The following RSU1 variants were observed in gnomAD, a reference collection of about 807,000 sequenced individuals.
RSU1 encodes Ras suppressor protein 1.
A neutral mutation model predicts 31.1 loss-of-function variants in RSU1; 26 were observed. That is an observed-to-expected ratio of 0.84 (90% confidence interval 0.61 to 1.16). The LOEUF (loss-of-function observed/expected upper bound fraction) is 1.16, where lower values mean the gene tolerates loss of function less well. Ranked by LOEUF, RSU1 falls within the 50% of genes most tolerant of loss-of-function variation. The pLI, the probability that RSU1 is intolerant of heterozygous loss-of-function variation, is 0.00. For missense variants in RSU1, 320 were observed against 339.1 expected (o/e 0.94, Z 0.44); for synonymous variants, 164 against 136.3 (o/e 1.20, Z -1.41).
At chr10:16,624,519 C>T (rs1201442210) in intron 8 of RSU1, among the ~76,000 whole-genome samples, 1 of 152,068 alleles carries the variant, frequency 6.6e-6, no homozygotes, top group Non-Finnish European at 1.5e-5. Flanking sequence ...CACCCTTGTG[C>T]CCCAGACTCC....
At chr10:16,710,999 T>G (rs902213621) in intron 7 of RSU1, among the ~76,000 whole-genome samples, 8 of 152,238 alleles carry the variant, frequency 5.3e-5, no homozygotes, top group African/African-American at 1.9e-4. Flanking sequence ...CATAAAGTCT[T>G]TCTTTTTTAT....
intron 8 of RSU1, among the ~76,000 whole-genome samples, chr10:16,622,902 C>G (rs1367023968): frequency 6.6e-6 from 1 of 152,164 alleles, no homozygotes; most frequent in African/African-American, 2.4e-5. Flanking sequence ...TTTGCAGATA[C>G]AATTCAATGA....
intron 8 of RSU1, among the ~76,000 whole-genome samples, chr10:16,613,605 C>A (rs577669345): frequency 6.6e-6 from 1 of 152,174 alleles, no homozygotes; most frequent in Non-Finnish European, 1.5e-5. Context: ...TCTGGGCTTG[C>A]CACCTTGGTT....
chr10:16,667,184 C>A (rs370351034), intron 8 of RSU1, among the ~76,000 whole-genome samples: 2 of 152,180 alleles, frequency 1.3e-5, no homozygotes, highest in Non-Finnish European at 2.9e-5. Flanking sequence ...GTTAGTTAAT[C>A]TGAAATCATC....
At chr10:16,814,502 G>A (rs1009718720) in intron 2 of RSU1, among the ~76,000 whole-genome samples, 1 of 150,188 alleles carries the variant, frequency 6.7e-6, no homozygotes, top group African/African-American at 2.5e-5. Flanking sequence ...AATTAATGTA[G>A]CCATGTGAAG....
chr10:16,795,171 T>C (rs1022264759), intron 2 of RSU1, among the ~76,000 whole-genome samples: 4 of 151,832 alleles, frequency 2.6e-5, no homozygotes, highest in Admixed American at 6.6e-5. Flanking sequence ...CTGGCCAACA[T>C]GGTGAAGCCC....
chr10:16,667,246 T>A (rs1032333111), intron 8 of RSU1, among the ~76,000 whole-genome samples: 1 of 152,186 alleles, frequency 6.6e-6, no homozygotes, highest in Non-Finnish European at 1.5e-5. Flanking sequence ...ATGTTCATTA[T>A]AGGTACCCAA....
intron 7 of RSU1, among the ~76,000 whole-genome samples, chr10:16,696,209 A>G (rs1311602690): frequency 6.6e-6 from 1 of 152,158 alleles, no homozygotes; most frequent in African/African-American, 2.4e-5. Flanking sequence ...GAGACACAGC[A>G]AAGATTTTTG....
In RSU1 at chr10:16,736,649, A is replaced by C. The variant is rs1588503010; in HGVS notation, c.598+15890T>G. 2.6e-5 allele frequency among the ~76,000 whole-genome samples: 4 copies of C among 152,274 alleles called. No homozygotes were observed. In the South Asian group the frequency reaches 6.2e-4, roughly 24 times the overall value. ...AAACCAAAAACCAAAAAACAAAAAA[A>C]CCCACAGAAAACTAGACATTCAGAG... On this transcript the variant is annotated intron_variant, in intron 7 of 8. Coordinates refer to ENST00000345264, the MANE Select transcript of RSU1 (RefSeq NM_012425.4).
chr10:16,723,045 T>C (rs1362322623), intron 7 of RSU1: 4 of 148,106 alleles, frequency 2.7e-5, no homozygotes, highest in South Asian at 2.1e-4. Context: ...TATATAGACA[T>C]ACATACACAC....
At chr10:16,663,864 C>A (rs1029844870) in intron 8 of RSU1, among the ~76,000 whole-genome samples, 4 of 152,164 alleles carry the variant, frequency 2.6e-5, no homozygotes, top group Non-Finnish European at 5.9e-5. Context: ...TTTCAGACTG[C>A]CCTTTGGTGA....
At chr10:16,726,709 C>T (rs1836403960) in intron 7 of RSU1, among the ~76,000 whole-genome samples, 1 of 151,962 alleles carries the variant, frequency 6.6e-6, no homozygotes, top group Admixed American at 6.6e-5. Flanking sequence ...AGAGCAATAC[C>T]ATCTTTTTTC....
At chr10:16,688,288 G>A in intron 8 of RSU1, among the ~76,000 whole-genome samples, 1 of 152,258 alleles carries the variant, frequency 6.6e-6, no homozygotes, top group East Asian at 1.9e-4. Context: ...TGGATAAAAT[G>A]TGATAATGCA....
chr10:16,667,122 C>T (rs1305077152), intron 8 of RSU1, among the ~76,000 whole-genome samples: 2 of 152,146 alleles, frequency 1.3e-5, no homozygotes, highest in East Asian at 1.9e-4. Context: ...GGTCTATCTC[C>T]AGCTCAAGAA....
At chr10:16,743,744 T>C (rs1836794875) in intron 7 of RSU1, among the ~76,000 whole-genome samples, 1 of 152,206 alleles carries the variant, frequency 6.6e-6, no homozygotes, top group South Asian at 2.1e-4. Context: ...AACAAAAATC[T>C]AGTCTAAAAA....
At chr10:16,805,509 A>C (rs1175892163) in intron 2 of RSU1, among the ~76,000 whole-genome samples, 5 of 151,078 alleles carry the variant, frequency 3.3e-5, no homozygotes, top group Non-Finnish European at 7.4e-5. Context: ...GTCTCTACTA[A>C]AAATACAAAA....
chr10:16,681,373 A>T (rs1036206294), intron 8 of RSU1, among the ~76,000 whole-genome samples: 5 of 152,226 alleles, frequency 3.3e-5, no homozygotes, highest in African/African-American at 1.2e-4. Context: ...GTGTGTAAGA[A>T]TAAGTTACTG....
intron 7 of RSU1, chr10:16,722,939 CATATATGTATATATACACACATAT>C: frequency 6.7e-6 from 1 of 149,476 alleles, no homozygotes; most frequent in Non-Finnish European, 1.5e-5. Flanking sequence ...CACACATATA[CATATATGTATATATACACACATAT>C]ACATATATGT....
intron 7 of RSU1, among the ~76,000 whole-genome samples, chr10:16,703,675 G>A (rs900373560): frequency 6.6e-6 from 1 of 152,066 alleles, no homozygotes; most frequent in Non-Finnish European, 1.5e-5. Flanking sequence ...AATATTGAAG[G>A]TCAAAATGAA....
Sources: gnomAD v4.1 joint callset for allele counts (sites outside exome capture counted in the v4.1 genomes callset) on GRCh38, gnomAD v4.1.1 for gene constraint, MANE v1.5 for transcripts, NCBI Gene and HGNC (gene_info 2026-07-23, HGNC 2026-07-21) for gene names.